DISC1: variants seen among roughly 807,000 people sequenced by gnomAD.
The protein encoded by DISC1 is DISC1 scaffold protein, also known as disrupted in schizophrenia 1 protein.
In DISC1, 57 loss-of-function variants were observed where a neutral mutation model predicts 84.5. That is an observed-to-expected ratio of 0.67 (90% confidence interval 0.55 to 0.84). The LOEUF (loss-of-function observed/expected upper bound fraction) is 0.84, where lower values mean the gene tolerates loss of function less well. DISC1 is among the 40% of genes least tolerant of loss of function. The probability of loss-of-function intolerance (pLI) is 0.00; values close to 1 mark genes in which losing one functional copy is unlikely to be tolerated. For missense variants in DISC1, 1,000 were observed against 1,057.8 expected, an observed-to-expected ratio of 0.95 and a Z score of 0.76; for synonymous variants, 411 against 415.2, an observed-to-expected ratio of 0.99 and a Z score of 0.12.
intron 3 of DISC1, among the ~76,000 whole-genome samples, chr1:231,711,557 A>G (rs2067851536): frequency 6.7e-6 from 1 of 150,290 alleles, no homozygotes; most frequent in South Asian, 2.1e-4. Flanking sequence ...TTTAATAGAG[A>G]CGGGGTTTCA....
chr1:231,734,563 A>T (rs969329958), intron 3 of DISC1, among the ~76,000 whole-genome samples: 4 of 152,114 alleles, frequency 2.6e-5, no homozygotes, highest in African/African-American at 9.7e-5. Context: ...CAGTCATATG[A>T]CACACTCAAG....
chr1:231,842,249 C>T (rs1013708158), intron 9 of DISC1, among the ~76,000 whole-genome samples: 5 of 152,194 alleles, frequency 3.3e-5, no homozygotes, highest in Admixed American at 3.3e-4. Flanking sequence ...GCAATCCTCT[C>T]ACCAGTCCTC....
intron 2 of DISC1, among the ~76,000 whole-genome samples, chr1:231,695,683 C>CGAGTGTAT (rs1173948228): frequency 6.6e-6 from 1 of 151,580 alleles, no homozygotes; most frequent in Non-Finnish European, 1.5e-5. Flanking sequence ...CATGCATGTG[C>CGAGTGTAT]GAGTGTATTT....
In DISC1 at chr1:231,899,378, A is replaced by G. The variant is rs911541727; in HGVS notation, c.1982-59450A>G. On this transcript the variant is annotated intron_variant, in intron 9 of 12. Coordinates refer to ENST00000439617, the MANE Select transcript of DISC1 (RefSeq NM_018662.3). Reference sequence around the variant, plus strand: ...CAGATGCTGCTGGTCTGGGGACCACATTCTGAGAACCACTGCCTTTGGGTG... The same window carrying G: ...CAGATGCTGCTGGTCTGGGGACCACGTTCTGAGAACCACTGCCTTTGGGTG... 1.2e-4 allele frequency among the ~76,000 whole-genome samples: 19 copies of G among 152,294 alleles called. No homozygotes were observed. The South Asian group carries it at 1.7e-3, about 13-fold the overall frequency.
intron 4 of DISC1, among the ~76,000 whole-genome samples, chr1:231,762,553 C>G (rs2075841651): frequency 7.4e-6 from 1 of 134,924 alleles, no homozygotes; most frequent in Non-Finnish European, 1.5e-5. Context: ...GTCTCACTGT[C>G]TTGCCCAGGC....
At chr1:231,750,597 G>C (rs147292882) in intron 4 of DISC1, 2 of 985,286 alleles carry the variant, frequency 2.0e-6, no homozygotes, top group Admixed American at 6.1e-5. Context: ...TGTGGTCCTG[G>C]CTGCATGTTT....
At chr1:231,946,259 C>T (rs989236295) in intron 9 of DISC1, among the ~76,000 whole-genome samples, 3 of 152,112 alleles carry the variant, frequency 2.0e-5, no homozygotes, top group Non-Finnish European at 4.4e-5. Flanking sequence ...AAAGCTTATC[C>T]ACCACAATCA....
rs1574405399 is a variant in DISC1 at position 231,885,744 on chromosome 1, A to G, written c.1981+67227A>G. On this transcript the variant is annotated intron_variant, in intron 9 of 12. Transcript: ENST00000439617. ...TCTGAGGAATTTTCTAATAGTGTCT[A>G]TGGTGGCAGTGGGAAAAGGGGAGGA... Among the ~76,000 whole-genome samples, 4 of 152,304 alleles carry G rather than the reference A, an allele frequency of 2.6e-5. 1 individual carries two copies. Among genetic ancestry groups the G allele is most frequent in the Admixed American group, 2.6e-4 (4 of 15,306 alleles).
chr1:232,014,387 T>G (rs750744165), intron 11 of DISC1, among the ~76,000 whole-genome samples: 7 of 152,230 alleles, frequency 4.6e-5, no homozygotes, highest in Admixed American at 2.0e-4. Flanking sequence ...GGTTTTGCTC[T>G]TTTTGTTTAA....
chr1:231,718,529 C>T (rs1470996867), intron 3 of DISC1, among the ~76,000 whole-genome samples: 3 of 151,768 alleles, frequency 2.0e-5, no homozygotes, highest in African/African-American at 4.8e-5. Context: ...CTCCGTCTCC[C>T]GGGTTCAAGC....
intron 8 of DISC1, among the ~76,000 whole-genome samples, chr1:231,805,272 T>C (rs919247264): frequency 3.3e-5 from 5 of 152,230 alleles, no homozygotes; most frequent in African/African-American, 1.2e-4. Context: ...GTTGCTGTCC[T>C]TCCTAGACAT....
At chr1:231,880,183 T>C (rs1460768054) in intron 9 of DISC1, among the ~76,000 whole-genome samples, 1 of 152,178 alleles carries the variant, frequency 6.6e-6, no homozygotes, top group Non-Finnish European at 1.5e-5. Context: ...CTGTATGTAG[T>C]ATATTAGCAT....
At chr1:231,873,910 G>A (rs545238480) in intron 9 of DISC1, among the ~76,000 whole-genome samples, 1 of 152,116 alleles carries the variant, frequency 6.6e-6, no homozygotes, top group South Asian at 2.1e-4. Context: ...GTGCAGTGGT[G>A]TGATCTTGGC....
At chr1:231,858,708 A>T (rs2084433726) in intron 9 of DISC1, among the ~76,000 whole-genome samples, 1 of 152,134 alleles carries the variant, frequency 6.6e-6, no homozygotes, top group South Asian at 2.1e-4. Flanking sequence ...GCAAAGTCCA[A>T]GTTTCTTCCT....
intron 10 of DISC1, among the ~76,000 whole-genome samples, chr1:231,975,853 T>A (rs988092348): frequency 6.6e-6 from 1 of 152,206 alleles, no homozygotes; most frequent in African/African-American, 2.4e-5. Context: ...GGGTGGATGA[T>A]GAAAAATTAC....
intron 11 of DISC1, among the ~76,000 whole-genome samples, chr1:232,013,107 G>A (rs74144308): frequency 0.011 from 1,732 of 152,168 alleles, 43 homozygotes; most frequent in African/African-American, 0.04. Flanking sequence ...TCTTTTGTAC[G>A]GGCTGTTCTG....
chr1:231,858,125 A>T (rs201274830), intron 9 of DISC1, among the ~76,000 whole-genome samples: 2 of 152,244 alleles, frequency 1.3e-5, no homozygotes, highest in Admixed American at 6.5e-5. Context: ...AAAGCAAAAT[A>T]AAACAGATTT....
intron 4 of DISC1, among the ~76,000 whole-genome samples, chr1:231,765,148 C>CCA (rs1224311468): frequency 2.1e-5 from 3 of 143,674 alleles, no homozygotes; most frequent in African/African-American, 7.8e-5. Context: ...CAATATCATG[C>CCA]CACTGAACTC....
chr1:231,637,422 G>T (rs1395454311), intron 1 of DISC1, among the ~76,000 whole-genome samples: 1 of 152,112 alleles, frequency 6.6e-6, no homozygotes, highest in African/African-American at 2.4e-5. Context: ...TGGTCAAGTC[G>T]GGGCTTTTAG....
Sources: gnomAD v4.1 joint callset for allele counts (sites outside exome capture counted in the v4.1 genomes callset) on GRCh38, gnomAD v4.1.1 for gene constraint, MANE v1.5 for transcripts, NCBI Gene and HGNC (gene_info 2026-07-23, HGNC 2026-07-21) for gene names.